TRDMT1: variants seen among roughly 807,000 people sequenced by gnomAD.
TRDMT1 encodes tRNA aspartic acid methyltransferase 1.
Under a neutral mutation model 51.2 loss-of-function variants are expected in TRDMT1, and 49 were observed. The observed-to-expected ratio is 0.96, with a 90% CI of 0.76 to 1.21. The LOEUF (loss-of-function observed/expected upper bound fraction) is 1.21, where lower values mean the gene tolerates loss of function less well. Among genes scored for constraint, TRDMT1 ranks in the 50% most tolerant of loss-of-function variants. The pLI is 0.00. For missense variants in TRDMT1, 534 were observed against 462.3 expected (o/e 1.16, Z -1.42); for synonymous variants, 187 against 164.6 (o/e 1.14, Z -1.04).
In TRDMT1 at chr10:17,138,838, G is replaced by A. The variant is rs548138154; in HGVS notation, c.*10202C>T. Among the ~76,000 whole-genome samples the A allele has an allele frequency of 2.6e-5, 4 of 152,004 alleles. No individual in the cohort carries two copies. Among genetic ancestry groups the A allele is most frequent in the African/African-American group, 7.2e-5 (3 of 41,446 alleles). Reference sequence around the variant, plus strand: ...GAAATTCAAATCCAGAGGGACAAACGCAATAGGGGAATAGGGCTTTGGAGG... The same window carrying A: ...GAAATTCAAATCCAGAGGGACAAACACAATAGGGGAATAGGGCTTTGGAGG... On this transcript the variant is annotated 3_prime_UTR_variant, in exon 11 of 11. Transcript: ENST00000377799.
At position 17,139,962 on chromosome 10, in the gene TRDMT1, G is replaced by A. The variant is rs986607209; in HGVS notation, c.*9078C>T. On this transcript the variant is annotated 3_prime_UTR_variant, in exon 11 of 11. Transcript: ENST00000377799. ...GTCAACAATTCCTAGACTATGTTTA[G>A]AAGAGACATAAACAATACCCTAGGA... is the stretch of plus-strand genomic sequence containing the variant. 6.9e-6 allele frequency among the ~76,000 whole-genome samples: 1 copy of A among 144,878 alleles called. No individual in the cohort carries two copies. The highest frequency in any genetic ancestry group is 1.5e-5 in the Non-Finnish European group (1 of 66,992).
In TRDMT1 at chr10:17,139,092, G is replaced by A; in HGVS notation, c.*9948C>T. ...TCTACCTCCAACAGCTCCCGGAATG[G>A]GGACTTCAGCAGCTCCATTGGATTA... is the stretch of plus-strand genomic sequence containing the variant. On this transcript the variant is annotated 3_prime_UTR_variant, in exon 11 of 11. Coordinates refer to ENST00000377799, the MANE Select transcript of TRDMT1 (RefSeq NM_004412.7). 1.4e-5 allele frequency: 12 copies of A among 828,694 alleles called. No homozygotes were observed. The highest frequency in any genetic ancestry group is 1.7e-5 in the Non-Finnish European group (12 of 686,626). The allele number at this position is 828,694 out of a possible 1,614,324, so 51.3% of individuals were successfully genotyped here.
chr10:17,180,233 G>A (rs190514051), intron 1 of TRDMT1, among the ~76,000 whole-genome samples: 2 of 152,178 alleles, frequency 1.3e-5, no homozygotes, highest in African/African-American at 2.4e-5. Flanking sequence ...AGTGAACTAC[G>A]ACAAACAATA....
intron 3 of TRDMT1, among the ~76,000 whole-genome samples, chr10:17,165,352 C>T (rs562382880): frequency 7.2e-5 from 11 of 152,198 alleles, no homozygotes; most frequent in Non-Finnish European, 1.6e-4. Flanking sequence ...TTCCTTACAC[C>T]TTATACTAAA....
At chr10:17,199,867 T>C (rs1457555915) in intron 1 of TRDMT1, among the ~76,000 whole-genome samples, 1 of 152,168 alleles carries the variant, frequency 6.6e-6, no homozygotes, top group Non-Finnish European at 1.5e-5. Flanking sequence ...GTGTACAAAT[T>C]CACATTGCAT....
Position 17,146,545 on chromosome 10 carries a change from A to T in TRDMT1, c.*2495T>A. ...AATTAGTTTTGGATCCTGAAGACATACTAAAAATATGAAGCAGGGTAATAA... is the reference window on the plus strand; with the variant it reads ...AATTAGTTTTGGATCCTGAAGACATTCTAAAAATATGAAGCAGGGTAATAA... On this transcript the variant is annotated 3_prime_UTR_variant, in exon 11 of 11. Coordinates refer to ENST00000377799, the MANE Select transcript of TRDMT1 (RefSeq NM_004412.7). 3.0e-6 allele frequency: 3 copies of T among 985,060 alleles called. No homozygotes were observed. The highest frequency in any genetic ancestry group is 2.4e-6 in the Non-Finnish European group (2 of 829,548). The allele number at this position is 985,060 out of a possible 1,614,324, so 61.0% of individuals were successfully genotyped here.
rs12261154 is a variant in TRDMT1, at chr10:17,186,765, T to C, written c.65-12105A>G. 6.4e-3 allele frequency among the ~76,000 whole-genome samples: 976 copies of C among 152,286 alleles called. 14 individuals are homozygous for C. Among genetic ancestry groups the C allele is most frequent in the African/African-American group, 0.023 (944 of 41,562 alleles). Reference sequence around the variant, plus strand: ...CTATTTTATTTATAATAGTGCAAATTTATGAATGATCTGAATGTCCCAGAA... The same window carrying C: ...CTATTTTATTTATAATAGTGCAAATCTATGAATGATCTGAATGTCCCAGAA... On this transcript the variant is annotated intron_variant, in intron 1 of 10. Coordinates refer to ENST00000377799, the MANE Select transcript of TRDMT1 (RefSeq NM_004412.7).
Position 17,146,807 on chromosome 10 carries a change from C to T in TRDMT1, c.*2233G>A. On this transcript the variant is annotated 3_prime_UTR_variant, in exon 11 of 11. Coordinates refer to ENST00000377799, the MANE Select transcript of TRDMT1 (RefSeq NM_004412.7). ...TTACCAAAAGCATATAGCAGACATTCCATAAAATAACATTTTCCAAATTAA... is the reference window on the plus strand; with the variant it reads ...TTACCAAAAGCATATAGCAGACATTTCATAAAATAACATTTTCCAAATTAA... 19 of 985,342 alleles carry T rather than the reference C, an allele frequency of 1.9e-5. No individual in the cohort carries two copies. The highest frequency in any genetic ancestry group is 4.7e-5 in the South Asian group (1 of 21,288). 61.0% of individuals were successfully genotyped at this position (985,342 alleles called of 1,614,324 possible).
chr10:17,153,505 AC>A lies in TRDMT1; in HGVS notation c.1075+1del, dbSNP rs1839063666. On this transcript the variant is annotated splice_donor_variant, in intron 10 of 10. Transcript: ENST00000377799. LOFTEE classifies it high-confidence loss of function. ...GCTGAATTCTGCACGTATCCCACAT[AC>A]CGAACTCTGGAGGAAATCCAAGGAG... 1.9e-6 allele frequency: 3 copies of A among 1,613,876 alleles called. No individual in the cohort carries two copies. Among genetic ancestry groups the A allele is most frequent in the Non-Finnish European group, 2.5e-6 (3 of 1,179,962 alleles).
rs527935528 is a variant in TRDMT1, at chr10:17,176,899, A to G, written c.65-2239T>C. On this transcript the variant is annotated intron_variant, in intron 1 of 10. Transcript: ENST00000377799. The stretch of plus-strand genomic sequence containing the variant: ...TTGAAAATGTATAATTAAAAATGTC[A>G]AAGTGAATATAATTCTATAGAATTT... 1.5e-3 allele frequency among the ~76,000 whole-genome samples: 224 copies of G among 152,288 alleles called. 1 individual carries two copies. The highest frequency in any genetic ancestry group is 5.2e-3 in the African/African-American group (216 of 41,570).
chr10:17,163,648 G>T lies in TRDMT1; in HGVS notation c.252-1411C>A, dbSNP rs1840741575. On this transcript the variant is annotated intron_variant, in intron 3 of 10. Coordinates refer to ENST00000377799, the MANE Select transcript of TRDMT1 (RefSeq NM_004412.7). ...AGCAAGACTAATAAAGAAGAGAGAA[G>T]AATCAAATAGATGCAATAAAAAATG... Among the ~76,000 whole-genome samples, 3 of 151,604 alleles carry T rather than the reference G, an allele frequency of 2.0e-5. No homozygotes were observed. The South Asian group carries it at 6.3e-4, about 32-fold the overall frequency.
At position 17,169,616 on chromosome 10, in the gene TRDMT1, T is replaced by C. The variant is rs935543061; in HGVS notation, c.175-699A>G. ...TCACATTAAGCACTCTCAGTGCACA[T>C]CTTTAGCTAGAAACTTAAAGAAATG... On this transcript the variant is annotated intron_variant, in intron 2 of 10. Coordinates refer to ENST00000377799, the MANE Select transcript of TRDMT1 (RefSeq NM_004412.7). 22 of 934,160 alleles carry C rather than the reference T, an allele frequency of 2.4e-5. No homozygotes were observed. The African/African-American group carries it at 3.6e-4, about 15-fold the overall frequency. The allele number at this position is 934,160 out of a possible 1,614,324, so 57.9% of individuals were successfully genotyped here. A position where few individuals can be genotyped will look rare whatever the true frequency, so the allele number is the denominator to read the frequency against.
intron 8 of TRDMT1, among the ~76,000 whole-genome samples, chr10:17,155,097 T>C (rs543585280): frequency 1.3e-5 from 2 of 151,850 alleles, no homozygotes; most frequent in Non-Finnish European, 2.9e-5. Flanking sequence ...TGGTGGTGCG[T>C]GCCTACCTCA....
At chr10:17,169,872 G>A (rs751088673) in intron 2 of TRDMT1, among the ~76,000 whole-genome samples, 2 of 152,102 alleles carry the variant, frequency 1.3e-5, no homozygotes, top group Non-Finnish European at 2.9e-5. Context: ...ATCAGATATT[G>A]AAAATTTCCT....
In TRDMT1 at chr10:17,142,732, G is replaced by A. The variant is rs567818858; in HGVS notation, c.*6308C>T. The A allele has an allele frequency of 1.3e-5, 2 of 154,082 alleles. No homozygotes were observed. Among genetic ancestry groups the A allele is most frequent in the East Asian group, 1.9e-4 (1 of 5,180 alleles). The allele number at this position is 154,082 out of a possible 1,614,324, so 9.5% of individuals were successfully genotyped here. On this transcript the variant is annotated 3_prime_UTR_variant, in exon 11 of 11. Transcript: ENST00000377799. ...GGCTGTCTTCTATTGTGTGGTTGTAGGTCGGGAAACATCAAGCCTGGGTAA... is the reference window on the plus strand; with the variant it reads ...GGCTGTCTTCTATTGTGTGGTTGTAAGTCGGGAAACATCAAGCCTGGGTAA...
chr10:17,141,450 G>T lies in TRDMT1; in HGVS notation c.*7590C>A, dbSNP rs1048043655. Among the ~76,000 whole-genome samples, 1 of 152,062 alleles carries T rather than the reference G, an allele frequency of 6.6e-6. No homozygotes were observed. The highest frequency in any genetic ancestry group is 2.4e-5 in the African/African-American group (1 of 41,390). On this transcript the variant is annotated 3_prime_UTR_variant, in exon 11 of 11. Coordinates refer to ENST00000377799, the MANE Select transcript of TRDMT1 (RefSeq NM_004412.7). ...GCTGGGATTACAGGTGTCAGCCACCGCGCCCAGCCTCCAGCTGCTTTTAAG... is the reference window on the plus strand; with the variant it reads ...GCTGGGATTACAGGTGTCAGCCACCTCGCCCAGCCTCCAGCTGCTTTTAAG...
intron 2 of TRDMT1, among the ~76,000 whole-genome samples, chr10:17,171,164 G>A (rs1340273564): frequency 2.0e-5 from 3 of 150,180 alleles, no homozygotes; most frequent in African/African-American, 7.3e-5. Flanking sequence ...CAGGCAACCA[G>A]GCCAGCAGTC....
intron 10 of TRDMT1, chr10:17,151,407 C>A: frequency 1.0e-6 from 1 of 980,786 alleles, no homozygotes. Flanking sequence ...CCACCAGTCA[C>A]AGAACCAGGA....
Position 17,145,722 on chromosome 10 carries a change from C to T in TRDMT1, c.*3318G>A, listed in dbSNP as rs566547311. 15 of 985,356 alleles carry T rather than the reference C, an allele frequency of 1.5e-5. No individual in the cohort carries two copies. In the South Asian group the frequency reaches 2.8e-4, roughly 19 times the overall value. The allele number at this position is 985,356 out of a possible 1,614,324, so 61.0% of individuals were successfully genotyped here. On this transcript the variant is annotated 3_prime_UTR_variant, in exon 11 of 11. Transcript: ENST00000377799. ...GTGTTATCTTGGCTTTTTTAGAAACCGCTTGTTTCTAAACTCTTAAGTTAT... is the reference window on the plus strand; with the variant it reads ...GTGTTATCTTGGCTTTTTTAGAAACTGCTTGTTTCTAAACTCTTAAGTTAT...
Sources: gnomAD v4.1 joint callset for allele counts (sites outside exome capture counted in the v4.1 genomes callset) on GRCh38, gnomAD v4.1.1 for gene constraint, MANE v1.5 for transcripts, NCBI Gene and HGNC (gene_info 2026-07-23, HGNC 2026-07-21) for gene names.